Variants in PLEKHA7 observed in about 807,000 individuals in gnomAD.
PLEKHA7 encodes the protein pleckstrin homology domain-containing family A member 7.
PLEKHA7 carries 104 observed loss-of-function variants against 170.0 expected under a neutral mutation model. That is an observed-to-expected ratio of 0.61 (90% CI 0.52 to 0.72). The LOEUF (loss-of-function observed/expected upper bound fraction) is 0.72. Ranked by LOEUF, PLEKHA7 falls within the 30% of genes least tolerant of loss-of-function variation. The pLI, the probability that PLEKHA7 is intolerant of heterozygous loss-of-function variation, is 0.00. For missense variants in PLEKHA7, 1,615 were observed against 1,671.7 expected (o/e 0.97, Z 0.59); for synonymous variants, 648 against 660.8 (o/e 0.98, Z 0.30).
At chr11:16,877,358 A>AGAAATTGCCTCTTCTTC (rs1418785150) in intron 3 of PLEKHA7, among the ~76,000 whole-genome samples, 5 of 152,358 alleles carry the variant, frequency 3.3e-5, no homozygotes, top group African/African-American at 1.2e-4. Flanking sequence ...TGAGAATACA[A>AGAAATTGCCTCTTCTTC]GAAATTGCCT....
At chr11:16,819,927 T>C (rs539094076) in intron 10 of PLEKHA7, among the ~76,000 whole-genome samples, 3 of 152,302 alleles carry the variant, frequency 2.0e-5, no homozygotes, top group African/African-American at 7.2e-5. Flanking sequence ...TCAAAATTAC[T>C]AAAAGTAGAT....
chr11:16,987,593 G>C (rs189393132), intron 3 of PLEKHA7, among the ~76,000 whole-genome samples: 14 of 152,210 alleles, frequency 9.2e-5, no homozygotes, highest in Admixed American at 9.2e-4. Context: ...CTTCATTTGA[G>C]AAATGAAGGG....
intron 3 of PLEKHA7, among the ~76,000 whole-genome samples, chr11:16,911,399 C>T (rs1858234960): frequency 6.6e-6 from 1 of 152,188 alleles, no homozygotes; most frequent in African/African-American, 2.4e-5. Context: ...ACTCTTGGAA[C>T]AAAGCTCCAA....
intron 13 of PLEKHA7, chr11:16,807,021 A>C (rs1849037067): frequency 1.1e-5 from 3 of 274,922 alleles, no homozygotes; most frequent in Non-Finnish European, 1.7e-5. Context: ...AAAATAAACC[A>C]AAATGACTTG....
intron 10 of PLEKHA7, among the ~76,000 whole-genome samples, chr11:16,824,578 G>A (rs1049144593): frequency 6.6e-5 from 10 of 152,088 alleles, no homozygotes; most frequent in Non-Finnish European, 8.8e-5. Context: ...TCCCGCATTC[G>A]AATTCACTTA....
intron 3 of PLEKHA7, among the ~76,000 whole-genome samples, chr11:16,952,404 C>T (rs1861460818): frequency 6.6e-6 from 1 of 152,100 alleles, no homozygotes; most frequent in African/African-American, 2.4e-5. Flanking sequence ...ACATAGAGTG[C>T]TTGGGGCCCA....
chr11:16,879,007 T>C (rs1471782816), intron 3 of PLEKHA7, among the ~76,000 whole-genome samples: 1 of 152,154 alleles, frequency 6.6e-6, no homozygotes, highest in East Asian at 1.9e-4. Flanking sequence ...GGAGGGTTAA[T>C]ACACCCCACT....
intron 26 of PLEKHA7, among the ~76,000 whole-genome samples, 186 bp from the exon 27 acceptor site, chr11:16,779,206 C>T (rs976357791): frequency 1.3e-5 from 2 of 152,344 alleles, no homozygotes; most frequent in Admixed American, 6.5e-5. Flanking sequence ...ACCCTCCCTG[C>T]ACCCCTATTC....
intron 3 of PLEKHA7, among the ~76,000 whole-genome samples, chr11:16,958,811 A>T (rs1306154819): frequency 6.6e-6 from 1 of 152,058 alleles, no homozygotes; most frequent in Non-Finnish European, 1.5e-5. Context: ...TAATTGCTCA[A>T]TTGCACAGCC....
rs563684352 is a variant in PLEKHA7 at position 16,974,556 on chromosome 11, T to C, written c.221+39433A>G. The C allele has an allele frequency of 1.5e-4, 54 of 368,258 alleles. 17 individuals carry two copies. In the South Asian group the frequency reaches 1.6e-3, roughly 11 times the overall value. 22.8% of individuals were successfully genotyped at this position (368,258 alleles called of 1,614,324 possible). ...AACATGTTATATTACAATAGTGCAA[T>C]TGTCAAAAACAGAAAAACTGACATG... On this transcript the variant is annotated intron_variant, in intron 3 of 26. Transcript: ENST00000531066.
rs1850893879 is a variant in PLEKHA7 at position 16,829,050 on chromosome 11, T to C, written c.873-2460A>G. On this transcript the variant is annotated intron_variant, in intron 9 of 26. Coordinates refer to ENST00000531066, the MANE Select transcript of PLEKHA7 (RefSeq NM_001329630.2). ...CAGCGTCTTGCTCTCTCACCCAGGC[T>C]GGAGTGCGGTGGCAATGATCACGGC... is the stretch of plus-strand genomic sequence containing the variant. Among the ~76,000 whole-genome samples, 3 of 152,154 alleles carry C rather than the reference T, an allele frequency of 2.0e-5. No homozygotes were observed. In the South Asian group the frequency reaches 6.2e-4, roughly 32 times the overall value.
intron 9 of PLEKHA7, among the ~76,000 whole-genome samples, chr11:16,829,506 C>T (rs1850934727): frequency 6.6e-6 from 1 of 152,126 alleles, no homozygotes; most frequent in South Asian, 2.1e-4. Flanking sequence ...CCCATACTTA[C>T]AGAAAAAGTA....
intron 8 of PLEKHA7, among the ~76,000 whole-genome samples, chr11:16,843,116 G>A (rs947030054): frequency 6.6e-6 from 1 of 152,214 alleles, no homozygotes; most frequent in African/African-American, 2.4e-5. Context: ...CTAGCACATA[G>A]TAGATGCTCA....
chr11:16,855,285 G>T (rs1853342177), intron 5 of PLEKHA7, among the ~76,000 whole-genome samples: 1 of 152,064 alleles, frequency 6.6e-6, no homozygotes, highest in Non-Finnish European at 1.5e-5. Flanking sequence ...ATGTTCCATG[G>T]CTTTCTGGAG....
intron 17 of PLEKHA7, among the ~76,000 whole-genome samples, chr11:16,795,617 C>T (rs1848168548): frequency 1.3e-5 from 2 of 151,974 alleles, no homozygotes; most frequent in African/African-American, 2.4e-5. Context: ...TGTGAAACCC[C>T]ATCTCTACTA....
chr11:16,886,465 C>T lies in PLEKHA7; in HGVS notation c.222-15283G>A, dbSNP rs201238836. Reference sequence around the variant, plus strand: ...GTGGCTCATGCCTGTAATCCCAGCACTTTGGGAGGCTGAGGCAAGTGGATC... The same window carrying T: ...GTGGCTCATGCCTGTAATCCCAGCATTTTGGGAGGCTGAGGCAAGTGGATC... On this transcript the variant is annotated intron_variant, in intron 3 of 26. Coordinates refer to ENST00000531066, the MANE Select transcript of PLEKHA7 (RefSeq NM_001329630.2). 1.4e-4 allele frequency among the ~76,000 whole-genome samples: 21 copies of T among 152,332 alleles called. No homozygotes were observed. The East Asian group carries it at 3.3e-3, about 24-fold the overall frequency.
chr11:16,857,183 C>T (rs1853534268), intron 4 of PLEKHA7, among the ~76,000 whole-genome samples: 1 of 152,200 alleles, frequency 6.6e-6, no homozygotes. Context: ...TATCCTACAC[C>T]ACAAGGGAAG....
At chr11:16,998,963 T>C (rs946554003) in intron 3 of PLEKHA7, among the ~76,000 whole-genome samples, 21 of 151,618 alleles carry the variant, frequency 1.4e-4, no homozygotes, top group Non-Finnish European at 2.4e-4. Context: ...CCCCACTCAC[T>C]CCCAACTCCA....
rs1343219356 is a variant in PLEKHA7 at position 16,817,239 on chromosome 11, CTCTTGGGAAGAG to C, written c.1415_1426del (p.Thr472_Lys475del). 8 of 1,613,822 alleles carry C rather than the reference CTCTTGGGAAGAG, an allele frequency of 5.0e-6. No individual in the cohort carries two copies. Among genetic ancestry groups the C allele is most frequent in the Non-Finnish European group, 6.8e-6 (8 of 1,180,022 alleles). ...GGAGCCCCCCGAGGGGTGTCGGGTG[CTCTTGGGAAGAG>C]TCTGGTAGTTTTCTGGGAAGGACAG... On this transcript the variant is annotated inframe_deletion, in exon 11 of 27. Transcript: ENST00000531066. This position sits in a 1 kb window ranked among gnomAD's most constrained non-coding sequence, Gnocchi z 4.4.
Sources: gnomAD v4.1 joint callset for allele counts (sites outside exome capture counted in the v4.1 genomes callset) on GRCh38, gnomAD v4.1.1 for gene constraint, Gnocchi (gnomAD v3.1) non-coding constraint, MANE v1.5 for transcripts, NCBI Gene and HGNC (gene_info 2026-07-23, HGNC 2026-07-21) for gene names.